Variants in SRGAP2B observed in about 807,000 individuals in gnomAD.
SRGAP2B encodes the protein SLIT-ROBO Rho GTPase activating protein 2B.
A neutral mutation model predicts 22.2 loss-of-function variants in SRGAP2B; 9 were observed. That is an observed-to-expected ratio of 0.41 (90% CI 0.24 to 0.71). The LOEUF is 0.71. Among genes scored for constraint, SRGAP2B ranks in the 30% least tolerant of loss-of-function variants. SRGAP2B has a pLI of 0.35. For missense variants in SRGAP2B, 114 were observed against 235.8 expected, an observed-to-expected ratio of 0.48 and a Z score of 3.38; for synonymous variants, 36 against 87.4, an observed-to-expected ratio of 0.41 and a Z score of 3.28.
intron 2 of SRGAP2B, among the ~76,000 whole-genome samples, chr1:145,006,190 CA>C (rs1198631080): frequency 6.6e-6 from 1 of 150,906 alleles, no homozygotes; most frequent in East Asian, 1.9e-4. Context: ...ATGTCAACAA[CA>C]AGTACAGAGA....
chr1:144,917,754 G>A (rs1449738820), intron 4 of SRGAP2B: 1 of 118,802 alleles, frequency 8.4e-6, no homozygotes, highest in East Asian at 2.4e-4. Context: ...CTTAAAATGT[G>A]CAATACAGCC....
At chr1:144,970,798 A>T (rs1188135040) in intron 3 of SRGAP2B, among the ~76,000 whole-genome samples, 11 of 150,288 alleles carry the variant, frequency 7.3e-5, no homozygotes, top group East Asian at 5.8e-4. Flanking sequence ...AAATAAATAA[A>T]AAATAAATAA....
intron 2 of SRGAP2B, among the ~76,000 whole-genome samples, chr1:145,063,657 T>G (rs1651159781): frequency 6.7e-6 from 1 of 149,670 alleles, no homozygotes; most frequent in Non-Finnish European, 1.5e-5. Context: ...TGGGGAGGGC[T>G]GCACCAATCT....
intron 4 of SRGAP2B, among the ~76,000 whole-genome samples, chr1:144,951,005 T>A (rs1334223188): frequency 6.7e-6 from 1 of 149,482 alleles, no homozygotes; most frequent in Non-Finnish European, 1.5e-5. Context: ...CTGGCCATCT[T>A]GCCTGGCTAA....
intron 5 of SRGAP2B, among the ~76,000 whole-genome samples, chr1:144,910,393 A>G (rs1663334062): frequency 1.4e-5 from 2 of 142,158 alleles, no homozygotes; most frequent in African/African-American, 5.5e-5. Flanking sequence ...TTGTCTCCCT[A>G]GTGCCTAGTG....
chr1:144,966,911 T>C lies in SRGAP2B; in HGVS notation c.261-11310A>G, dbSNP rs1668128872. On this transcript the variant is annotated intron_variant, in intron 3 of 9. Transcript: ENST00000612199. ...GACAAAGAAGGCCATTACATAATGGTAAAGGGATCAATTCAACAAGAGGAG... is the reference window on the plus strand; with the variant it reads ...GACAAAGAAGGCCATTACATAATGGCAAAGGGATCAATTCAACAAGAGGAG... Among the ~76,000 whole-genome samples the C allele has an allele frequency of 1.4e-5, 2 of 145,796 alleles. 1 individual carries two copies. Among genetic ancestry groups the C allele is most frequent in the African/African-American group, 5.4e-5 (2 of 36,720 alleles).
intron 4 of SRGAP2B, among the ~76,000 whole-genome samples, chr1:144,945,480 G>A (rs587687948): frequency 1.3e-5 from 2 of 151,928 alleles, no homozygotes; most frequent in East Asian, 3.9e-4. Context: ...ACCACTTTGG[G>A]AGGCCAAGAT....
At chr1:145,064,729 T>G (rs1651305591) in intron 2 of SRGAP2B, among the ~76,000 whole-genome samples, 1 of 150,436 alleles carries the variant, frequency 6.6e-6, no homozygotes, top group Non-Finnish European at 1.5e-5. Flanking sequence ...ACAGAAGATA[T>G]CAGACTTATT....
At chr1:145,022,965 G>A (rs1647311441) in intron 2 of SRGAP2B, among the ~76,000 whole-genome samples, 3 of 149,672 alleles carry the variant, frequency 2.0e-5, no homozygotes, top group Admixed American at 2.0e-4. Flanking sequence ...AAGAGATCGA[G>A]ACCATCCTGG....
intron 2 of SRGAP2B, among the ~76,000 whole-genome samples, chr1:145,080,106 C>T (rs1477504717): frequency 1.3e-5 from 2 of 149,658 alleles, no homozygotes; most frequent in Admixed American, 6.6e-5. Context: ...ACACAAATTC[C>T]ATTTCTGACC....
chr1:144,930,893 TC>T (rs1665124606), intron 4 of SRGAP2B, among the ~76,000 whole-genome samples: 1 of 149,498 alleles, frequency 6.7e-6, no homozygotes, highest in African/African-American at 2.6e-5. Context: ...TTTTATCATT[TC>T]CCTATGAGTA....
chr1:145,044,080 G>A (rs1458472032), intron 2 of SRGAP2B, among the ~76,000 whole-genome samples: 17 of 26,142 alleles, frequency 6.5e-4, no homozygotes, highest in Non-Finnish European at 9.2e-4. Context: ...TGTAATCGCA[G>A]GAGAGGAGGT....
intron 2 of SRGAP2B, among the ~76,000 whole-genome samples, chr1:145,044,624 G>A (rs4844869): frequency 3.7e-5 from 4 of 108,432 alleles, no homozygotes; most frequent in South Asian, 3.4e-4. Flanking sequence ...TTTCTTTTCC[G>A]TATATTTTAT....
intron 2 of SRGAP2B, among the ~76,000 whole-genome samples, chr1:145,058,446 C>T: frequency 7.7e-6 from 1 of 129,888 alleles, no homozygotes; most frequent in East Asian, 2.3e-4. Context: ...GGAGCCAGCT[C>T]CATGAGTTTA....
chr1:144,932,558 A>C (rs1346687374), intron 4 of SRGAP2B, among the ~76,000 whole-genome samples: 2 of 148,876 alleles, frequency 1.3e-5, no homozygotes, highest in Non-Finnish European at 3.0e-5. Flanking sequence ...TAAAGAGTGG[A>C]CTAGCTCTGT....
In SRGAP2B at chr1:145,013,749, G is replaced by A. The variant is rs9803699; in HGVS notation, c.68-18549C>T. 2.3e-3 allele frequency among the ~76,000 whole-genome samples: 346 copies of A among 149,684 alleles called. 5 individuals are homozygous for A. The Middle Eastern group carries it at 0.024, about 10-fold the overall frequency. On this transcript the variant is annotated intron_variant, in intron 2 of 9. Transcript: ENST00000612199. ...TAACCGCAATCATGGCAACTCCTTC[G>A]TTTCCTTTTTTAAAAAATCAACAAC... is the stretch of plus-strand genomic sequence containing the variant.
intron 4 of SRGAP2B, among the ~76,000 whole-genome samples, chr1:144,945,223 AT>A (rs1474802986): frequency 6.8e-6 from 1 of 147,354 alleles, no homozygotes; most frequent in Non-Finnish European, 1.5e-5. Flanking sequence ...ACAGAAAAAA[AT>A]ATTTGCCAAA....
intron 3 of SRGAP2B, among the ~76,000 whole-genome samples, chr1:144,989,303 A>ATT (rs58585545): frequency 2.0e-5 from 1 of 49,346 alleles, no homozygotes; most frequent in African/African-American, 9.2e-5. Context: ...TTAACCAGGG[A>ATT]TTTTTTTTTT....
At chr1:145,021,602 G>A (rs1426128866) in intron 2 of SRGAP2B, among the ~76,000 whole-genome samples, 11 of 125,194 alleles carry the variant, frequency 8.8e-5, no homozygotes, top group Admixed American at 8.2e-5. Context: ...ACTATTGGCC[G>A]TAAAGAGTGA....
Sources: allele counts gnomAD v4.1 joint callset (sites outside exome capture counted in the v4.1 genomes callset), GRCh38; gene constraint gnomAD v4.1.1; transcripts MANE v1.5; gene names NCBI Gene and HGNC (gene_info 2026-07-23, HGNC 2026-07-21).